The following FHIP1A variants were observed in gnomAD, a reference collection of about 807,000 sequenced individuals.
FHIP1A encodes the protein FHF complex subunit HOOK interacting protein 1A, also known as FHF complex subunit HOOK-interacting protein 1A.
FHIP1A carries 61 observed loss-of-function variants against 88.6 expected under a neutral mutation model. The observed-to-expected ratio is 0.69, with a 90% CI of 0.56 to 0.85. The LOEUF is 0.85. FHIP1A is among the 40% of genes least tolerant of loss of function. FHIP1A has a pLI of 0.00. For synonymous variants in FHIP1A, 478 were observed against 496.0 expected (o/e 0.96, Z 0.48); for missense variants, 1,154 against 1,273.5 (o/e 0.91, Z 1.43).
intron 1 of FHIP1A, among the ~76,000 whole-genome samples, chr4:151,411,845 A>C (rs1561483641): frequency 6.6e-6 from 1 of 152,160 alleles, no homozygotes; most frequent in Non-Finnish European, 1.5e-5. Flanking sequence ...GATCTACTTC[A>C]TCCTTATTTT....
chr4:151,567,715 A>G (rs1733441744), intron 4 of FHIP1A, among the ~76,000 whole-genome samples: 1 of 152,280 alleles, frequency 6.6e-6, no homozygotes, highest in South Asian at 2.1e-4. Flanking sequence ...TTTACCTTTT[A>G]CAAATTTCTG....
At chr4:151,498,688 G>A (rs1461949765) in intron 3 of FHIP1A, among the ~76,000 whole-genome samples, 1 of 152,182 alleles carries the variant, frequency 6.6e-6, no homozygotes, top group Non-Finnish European at 1.5e-5. Flanking sequence ...GGTGGTGGGT[G>A]CCTGTAGTCC....
intron 4 of FHIP1A, among the ~76,000 whole-genome samples, chr4:151,569,278 G>T (rs145192570): frequency 6.6e-6 from 1 of 152,304 alleles, no homozygotes; most frequent in African/African-American, 2.4e-5. Context: ...TGTTGGCCGG[G>T]CGCTGTGGCT....
intron 1 of FHIP1A, among the ~76,000 whole-genome samples, chr4:151,453,485 C>T (rs1221855393): frequency 2.0e-5 from 3 of 152,154 alleles, no homozygotes; most frequent in Non-Finnish European, 4.4e-5. Flanking sequence ...TGATAATATA[C>T]TCACCGTACA....
chr4:151,607,023 AG>A (rs1735100034), intron 7 of FHIP1A, among the ~76,000 whole-genome samples: 1 of 152,192 alleles, frequency 6.6e-6, no homozygotes, highest in Non-Finnish European at 1.5e-5. Flanking sequence ...GCCACCCAGC[AG>A]TTGGGGAAGT....
At chr4:151,644,932 G>A (rs1736734742) in intron 9 of FHIP1A, among the ~76,000 whole-genome samples, 2 of 152,176 alleles carry the variant, frequency 1.3e-5, no homozygotes, top group Admixed American at 1.3e-4. Flanking sequence ...TCTCTCCTGT[G>A]TTATTTCTGG....
chr4:151,616,615 AT>A (rs976777407), intron 7 of FHIP1A, among the ~76,000 whole-genome samples: 1 of 150,888 alleles, frequency 6.6e-6, no homozygotes, highest in Non-Finnish European at 1.5e-5. Flanking sequence ...CACCTGGCTA[AT>A]TTTTTTTGTA....
chr4:151,631,487 AC>A (rs1458460380), intron 8 of FHIP1A, among the ~76,000 whole-genome samples: 4 of 152,172 alleles, frequency 2.6e-5, no homozygotes, highest in African/African-American at 9.6e-5. Flanking sequence ...AAAAGCCCAG[AC>A]CCAGATGGCC....
intron 11 of FHIP1A, among the ~76,000 whole-genome samples, chr4:151,654,648 GT>G (rs1737161791): frequency 6.6e-6 from 1 of 152,204 alleles, no homozygotes; most frequent in East Asian, 1.9e-4. Context: ...GCCGAATTGT[GT>G]TGCGATGCCT....
intron 3 of FHIP1A, among the ~76,000 whole-genome samples, chr4:151,525,422 C>G (rs1265718032): frequency 6.6e-6 from 1 of 152,142 alleles, no homozygotes; most frequent in Non-Finnish European, 1.5e-5. Context: ...CCATTTTTTG[C>G]CCAGCAAAGG....
chr4:151,597,092 G>T (rs929297023), intron 7 of FHIP1A, among the ~76,000 whole-genome samples: 2 of 152,120 alleles, frequency 1.3e-5, no homozygotes, highest in African/African-American at 4.8e-5. Context: ...TGATCCTTTG[G>T]AGGAGAAGAG....
chr4:151,505,596 A>G (rs983271644), intron 3 of FHIP1A, among the ~76,000 whole-genome samples: 3 of 152,220 alleles, frequency 2.0e-5, no homozygotes, highest in Non-Finnish European at 4.4e-5. Flanking sequence ...CTTGATCGGT[A>G]ATTTTGAATA....
At chr4:151,561,416 G>T (rs1485630594) in intron 3 of FHIP1A, among the ~76,000 whole-genome samples, 1 of 152,128 alleles carries the variant, frequency 6.6e-6, no homozygotes, top group Non-Finnish European at 1.5e-5. Flanking sequence ...AGAGAGAAAA[G>T]AGAACTGGGC....
At chr4:151,637,252 A>C (rs1736389203) in intron 8 of FHIP1A, among the ~76,000 whole-genome samples, 1 of 152,190 alleles carries the variant, frequency 6.6e-6, no homozygotes, top group African/African-American at 2.4e-5. Flanking sequence ...TAGCCTTGAC[A>C]GTGTTTTCTT....
chr4:151,613,423 A>T (rs1463657311), intron 7 of FHIP1A, among the ~76,000 whole-genome samples: 1 of 152,208 alleles, frequency 6.6e-6, no homozygotes, highest in Non-Finnish European at 1.5e-5. Context: ...GTCAAGCGGG[A>T]TAACTTGATG....
chr4:151,639,498 T>C (rs1366691230), intron 9 of FHIP1A, among the ~76,000 whole-genome samples: 1 of 152,214 alleles, frequency 6.6e-6, no homozygotes, highest in African/African-American at 2.4e-5. Flanking sequence ...AGGAAAGCAA[T>C]GATGCTTCCT....
intron 7 of FHIP1A, among the ~76,000 whole-genome samples, chr4:151,601,613 A>G (rs991111657): frequency 2.0e-5 from 3 of 149,694 alleles, no homozygotes; most frequent in Non-Finnish European, 4.4e-5. Context: ...ATATGAATAA[A>G]TGAAGGAATA....
Position 151,658,119 on chromosome 4 carries a change from G to T in FHIP1A, c.2869+1221G>T, listed in dbSNP as rs188486683. On this transcript the variant is annotated intron_variant, in intron 13 of 13. Transcript: ENST00000435205. ...GGAGGGAAAGAAGCCTGGCATCTCT[G>T]TGAGAAGGTAGACTTCGGGTGCCAT... Among the ~76,000 whole-genome samples the T allele has an allele frequency of 8.5e-5, 13 of 152,302 alleles. No homozygotes were observed. In the East Asian group the frequency reaches 2.5e-3, roughly 29 times the overall value.
In FHIP1A at chr4:151,656,229, C is replaced by A; in HGVS notation, c.2552-3C>A. On this transcript the variant is annotated splice_polypyrimidine_tract_variant and splice_region_variant and intron_variant, in intron 11 of 13. Transcript: ENST00000435205. The surrounding 1 kb of genome is among the most constrained non-coding windows in gnomAD (Gnocchi z 4.2). ...GCCCTGAAGCCTTGTGTTCTTCCTG[C>A]AGGCCCATTCATCAGCGTAGTCCTG... 6.4e-7 allele frequency: 1 copy of A among 1,551,078 alleles called. No individual in the cohort carries two copies. The highest frequency in any genetic ancestry group is 8.7e-7 in the Non-Finnish European group (1 of 1,146,514).
Sources: allele counts gnomAD v4.1 joint callset (sites outside exome capture counted in the v4.1 genomes callset), GRCh38; gene constraint gnomAD v4.1.1; non-coding constraint Gnocchi (gnomAD v3.1); transcripts MANE v1.5; gene names NCBI Gene and HGNC (gene_info 2026-07-23, HGNC 2026-07-21).